GPM6A: variants seen among roughly 807,000 people sequenced by gnomAD.
The protein encoded by GPM6A is neuronal membrane glycoprotein M6-a.
A neutral mutation model predicts 32.1 loss-of-function variants in GPM6A; 7 were observed. The ratio of observed to expected loss-of-function variants is 0.22; its 90% confidence interval spans 0.12 to 0.41. The LOEUF (loss-of-function observed/expected upper bound fraction) is 0.41. Ranked by LOEUF, GPM6A falls within the 10% of genes least tolerant of loss-of-function variation. The probability of loss-of-function intolerance (pLI) is 1.00; values close to 1 mark genes in which losing one functional copy is unlikely to be tolerated. For missense variants in GPM6A, 235 were observed against 347.2 expected (o/e 0.68, Z 2.57); for synonymous variants, 130 against 123.4 (o/e 1.05, Z -0.35).
intron 1 of GPM6A, among the ~76,000 whole-genome samples, chr4:175,879,700 T>C (rs896106881): frequency 1.3e-5 from 2 of 152,106 alleles, no homozygotes; most frequent in Non-Finnish European, 2.9e-5. Context: ...CACCTTTATA[T>C]AGCAACATCA....
At chr4:175,918,740 G>T (rs1738575171) in intron 1 of GPM6A, among the ~76,000 whole-genome samples, 1 of 152,076 alleles carries the variant, frequency 6.6e-6, no homozygotes, top group South Asian at 2.1e-4. Flanking sequence ...TTCCAGTAGG[G>T]TGTCTGAAAT....
intron 3 of GPM6A, among the ~76,000 whole-genome samples, chr4:175,667,509 G>A (rs1742816811): frequency 6.6e-6 from 1 of 152,086 alleles, no homozygotes; most frequent in Non-Finnish European, 1.5e-5. Context: ...ACTGAAACAG[G>A]AAAAGAACAT....
chr4:175,931,709 C>CACACATAT (rs1324269132), intron 1 of GPM6A, among the ~76,000 whole-genome samples: 51 of 129,320 alleles, frequency 3.9e-4, no homozygotes, highest in African/African-American at 1.3e-3. Flanking sequence ...CACACACACA[C>CACACATAT]ATATATATAT....
chr4:175,957,319 G>A (rs934949686), intron 1 of GPM6A, among the ~76,000 whole-genome samples: 4 of 152,090 alleles, frequency 2.6e-5, no homozygotes, highest in African/African-American at 7.2e-5. Flanking sequence ...AGCCATATAC[G>A]ACAAGGGTAC....
intron 1 of GPM6A, among the ~76,000 whole-genome samples, chr4:175,845,659 C>T (rs1330416458): frequency 6.6e-6 from 1 of 152,002 alleles, no homozygotes; most frequent in Non-Finnish European, 1.5e-5. Flanking sequence ...GAAAATTTCT[C>T]TTCTTGAAAT....
intron 1 of GPM6A, among the ~76,000 whole-genome samples, chr4:175,722,786 G>A (rs1259574283): frequency 2.6e-5 from 4 of 152,058 alleles, no homozygotes; most frequent in Non-Finnish European, 4.4e-5. Context: ...GCTCATACCT[G>A]TAATCCCAGC....
At chr4:175,912,689 A>C (rs990802299) in intron 1 of GPM6A, among the ~76,000 whole-genome samples, 2 of 152,116 alleles carry the variant, frequency 1.3e-5, no homozygotes, top group South Asian at 2.1e-4. Context: ...TAAAGGTGTC[A>C]GTACCAGTTT....
At chr4:175,837,127 A>AAGAG (rs149933359) in intron 1 of GPM6A, among the ~76,000 whole-genome samples, 2 of 150,052 alleles carry the variant, frequency 1.3e-5, no homozygotes, top group Middle Eastern at 3.4e-3. Context: ...GAACAAGAGC[A>AAGAG]AGAGAGAGAG....
intron 3 of GPM6A, among the ~76,000 whole-genome samples, chr4:175,665,840 A>G (rs1176163677): frequency 1.3e-5 from 2 of 152,068 alleles, no homozygotes; most frequent in Non-Finnish European, 2.9e-5. Flanking sequence ...ATATTACTGC[A>G]AAGGAAATTT....
At chr4:175,777,637 G>T (rs988484050) in intron 1 of GPM6A, among the ~76,000 whole-genome samples, 54 of 152,000 alleles carry the variant, frequency 3.6e-4, no homozygotes, top group Admixed American at 6.5e-4. Flanking sequence ...TAATGCAGTT[G>T]ATTTTTAACT....
intron 3 of GPM6A, among the ~76,000 whole-genome samples, chr4:175,666,939 A>G (rs1312962804): frequency 2.0e-5 from 3 of 152,208 alleles, no homozygotes; most frequent in Non-Finnish European, 4.4e-5. Context: ...CATTTAAACT[A>G]TAGTATATTT....
At chr4:175,668,539 G>A (rs1010259040) in intron 3 of GPM6A, among the ~76,000 whole-genome samples, 1 of 151,682 alleles carries the variant, frequency 6.6e-6, no homozygotes, top group African/African-American at 2.4e-5. Flanking sequence ...GTGTGTGTGT[G>A]TGTTTATTTT....
intron 1 of GPM6A, among the ~76,000 whole-genome samples, chr4:175,762,263 A>G (rs1358518144): frequency 1.3e-5 from 2 of 152,232 alleles, no homozygotes; most frequent in Admixed American, 6.5e-5. Flanking sequence ...ACTTAATATT[A>G]TCAACAAACA....
Position 175,886,490 on chromosome 4 carries a change from A to G in GPM6A, c.-22-74241T>C, listed in dbSNP as rs1176327642. On this transcript the variant is annotated intron_variant, in intron 1 of 7. Coordinates refer to the GPM6A transcript ENST00000280187. ...TTCCTAACTCACAGAACCTTACTGA[A>G]ATAACTACACAAGTATGATGAAGTC... Among the ~76,000 whole-genome samples, 5 of 152,160 alleles carry G rather than the reference A, an allele frequency of 3.3e-5. 1 individual carries two copies. In the South Asian group the frequency reaches 8.3e-4, roughly 25 times the overall value.
intron 1 of GPM6A, among the ~76,000 whole-genome samples, chr4:175,901,656 T>G (rs1234124716): frequency 6.7e-6 from 1 of 148,758 alleles, no homozygotes; most frequent in Non-Finnish European, 1.5e-5. Context: ...TTTTTTTTTT[T>G]GGACAAAGTC....
chr4:175,669,607 G>A (rs1222558893), intron 3 of GPM6A, among the ~76,000 whole-genome samples: 1 of 152,122 alleles, frequency 6.6e-6, no homozygotes, highest in Non-Finnish European at 1.5e-5. Context: ...CTCTGAAACA[G>A]GGTAACAATA....
At chr4:175,803,820 T>C (rs888083725) in intron 1 of GPM6A, among the ~76,000 whole-genome samples, 1 of 152,170 alleles carries the variant, frequency 6.6e-6, no homozygotes, top group African/African-American at 2.4e-5. Context: ...TTAAAATTCA[T>C]GGAGACAATC....
chr4:175,937,250 A>G (rs1416109888), intron 1 of GPM6A, among the ~76,000 whole-genome samples: 1 of 152,140 alleles, frequency 6.6e-6, no homozygotes, highest in African/African-American at 2.4e-5. Flanking sequence ...CAAACTTTTC[A>G]TTGTAGCATT....
At chr4:175,786,731 T>C (rs754015313) in intron 1 of GPM6A, 2 of 152,448 alleles carry the variant, frequency 1.3e-5, no homozygotes, top group African/African-American at 2.4e-5. Context: ...TTCTATGGCT[T>C]TTCCCTTGGT....
Sources: allele counts gnomAD v4.1 joint callset (sites outside exome capture counted in the v4.1 genomes callset), GRCh38; gene constraint gnomAD v4.1.1; transcripts MANE v1.5; gene names NCBI Gene and HGNC (gene_info 2026-07-23, HGNC 2026-07-21).